LRP1B: variants seen among roughly 807,000 people sequenced by gnomAD.
LRP1B encodes low-density lipoprotein receptor-related protein 1B.
Under a neutral mutation model 556.6 loss-of-function variants are expected in LRP1B, and 217 were observed. The observed-to-expected ratio is 0.39, with a 90% CI of 0.35 to 0.44. LRP1B has a LOEUF of 0.44. Ranked by LOEUF, LRP1B falls within the 20% of genes least tolerant of loss-of-function variation. LRP1B has a pLI of 1.00. For synonymous variants in LRP1B, 2,047 were observed against 1,865.8 expected (o/e 1.10, Z -2.50); for missense variants, 5,053 against 5,620.8 (o/e 0.90, Z 3.23).
At chr2:141,156,465 A>G (rs1243187551) in intron 7 of LRP1B, among the ~76,000 whole-genome samples, 1 of 151,964 alleles carries the variant, frequency 6.6e-6, no homozygotes, top group African/African-American at 2.4e-5. Flanking sequence ...CATCTCTACA[A>G]AAAATTCAAA....
At chr2:141,323,030 G>T (rs1282687385) in intron 3 of LRP1B, among the ~76,000 whole-genome samples, 1 of 152,066 alleles carries the variant, frequency 6.6e-6, no homozygotes, top group Non-Finnish European at 1.5e-5. Flanking sequence ...GATTAAATAA[G>T]ATATTACATA....
chr2:141,761,328 C>T (rs1285233029), intron 2 of LRP1B, among the ~76,000 whole-genome samples: 1 of 147,566 alleles, frequency 6.8e-6, no homozygotes, highest in African/African-American at 2.5e-5. Context: ...TTATTTAATG[C>T]CTCAGGAATT....
intron 3 of LRP1B, among the ~76,000 whole-genome samples, chr2:141,312,601 T>C (rs1250413939): frequency 6.6e-6 from 1 of 152,166 alleles, no homozygotes; most frequent in Non-Finnish European, 1.5e-5. Flanking sequence ...TATTCTGTTA[T>C]AGCAACAAAA....
At chr2:140,754,836 T>C (rs1477915532) in intron 35 of LRP1B, among the ~76,000 whole-genome samples, 1 of 148,222 alleles carries the variant, frequency 6.7e-6, no homozygotes, top group Admixed American at 6.7e-5. Flanking sequence ...TTTTTAAAAA[T>C]ACAGAGAGGA....
At chr2:141,164,411 A>G (rs775236143) in intron 7 of LRP1B, among the ~76,000 whole-genome samples, 14 of 152,112 alleles carry the variant, frequency 9.2e-5, no homozygotes, top group East Asian at 1.9e-4. Flanking sequence ...ACTAGCAAAC[A>G]TATGCATAAC....
intron 89 of LRP1B, among the ~76,000 whole-genome samples, chr2:140,236,446 A>AT: frequency 6.6e-6 from 1 of 151,070 alleles, no homozygotes; most frequent in African/African-American, 2.4e-5. Flanking sequence ...GATACTCTTA[A>AT]TTTAGAGAAA....
chr2:141,464,606 A>ATATATATATATATATTT lies in LRP1B; in HGVS notation c.343+15789_343+15790insAAATATATATATATATA. On this transcript the variant is annotated intron_variant, in intron 3 of 90. Transcript: ENST00000389484. The stretch of plus-strand genomic sequence containing the variant: ...TTTGTATATATATATATATATATAT[A>ATATATATATATATATTT]TTTTTTTAGTAGAGATGGGGTTTCA... 4.4e-5 allele frequency among the ~76,000 whole-genome samples: 4 copies of ATATATATATATATATTT among 90,544 alleles called. No individual in the cohort carries two copies. The South Asian group carries it at 1.3e-3, about 29-fold the overall frequency. 59.4% of individuals were successfully genotyped at this position (90,544 alleles called of 152,430 possible). A position where few individuals can be genotyped will look rare whatever the true frequency, so the allele number is the denominator to read the frequency against.
intron 31 of LRP1B, among the ~76,000 whole-genome samples, chr2:140,829,712 A>G (rs563862561): frequency 1.5e-4 from 23 of 152,214 alleles, no homozygotes; most frequent in African/African-American, 5.3e-4. Context: ...GCACTCAAGG[A>G]ACTAGACAAG....
intron 41 of LRP1B, among the ~76,000 whole-genome samples, chr2:140,693,883 T>C (rs980298922): frequency 6.6e-6 from 1 of 152,124 alleles, no homozygotes; most frequent in East Asian, 1.9e-4. Context: ...AATTTTTGTA[T>C]TTTTAGTAAA....
At chr2:141,069,421 T>C (rs193001479) in intron 7 of LRP1B, among the ~76,000 whole-genome samples, 67 of 152,228 alleles carry the variant, frequency 4.4e-4, no homozygotes, top group African/African-American at 1.5e-3. Flanking sequence ...ATGTCTAATG[T>C]AGTTTGAAAC....
chr2:140,802,842 G>T (rs1310650577), intron 32 of LRP1B, among the ~76,000 whole-genome samples: 1 of 152,196 alleles, frequency 6.6e-6, no homozygotes, highest in Non-Finnish European at 1.5e-5. Flanking sequence ...CCTCAAAGGT[G>T]CAGTTTTCAA....
At chr2:140,517,977 G>A (rs947026613) in intron 49 of LRP1B, among the ~76,000 whole-genome samples, 11 of 151,932 alleles carry the variant, frequency 7.2e-5, no homozygotes, top group African/African-American at 2.4e-4. Context: ...CCAAAGTGCT[G>A]GGATTACAGG....
chr2:141,821,133 C>T (rs1696739040), intron 1 of LRP1B, among the ~76,000 whole-genome samples: 1 of 152,224 alleles, frequency 6.6e-6, no homozygotes, highest in South Asian at 2.1e-4. Context: ...GGAAATGGAT[C>T]ATCACCTAGA....
chr2:140,976,946 G>A lies in LRP1B; in HGVS notation c.2887+5214C>T, dbSNP rs1696619293. Reference sequence around the variant, plus strand: ...AAATATAAACTATAATGAGATACTTGGAAGACAGAACAAGCCAAAGATTGT... The same window carrying A: ...AAATATAAACTATAATGAGATACTTAGAAGACAGAACAAGCCAAAGATTGT... On this transcript the variant is annotated intron_variant, in intron 18 of 90. Coordinates refer to ENST00000389484, the MANE Select transcript of LRP1B (RefSeq NM_018557.3). Among the ~76,000 whole-genome samples, 3 of 152,160 alleles carry A rather than the reference G, an allele frequency of 2.0e-5. No homozygotes were observed. In the South Asian group the frequency reaches 6.2e-4, roughly 32 times the overall value.
chr2:140,958,017 A>G (rs1408339416), intron 18 of LRP1B, among the ~76,000 whole-genome samples: 1 of 151,634 alleles, frequency 6.6e-6, no homozygotes, highest in Non-Finnish European at 1.5e-5. Flanking sequence ...AATTCAAATA[A>G]AAATTAATCC....
chr2:140,239,677 A>T (rs1680866032), intron 87 of LRP1B, 145 bp from the exon 88 acceptor site: 1 of 514,514 alleles, frequency 1.9e-6, no homozygotes, highest in South Asian at 3.2e-5. Context: ...GTTCATAATT[A>T]TGTTATTGGA....
At position 140,238,132 on chromosome 2, in the gene LRP1B, A is replaced by G. The variant is rs2104881144; in HGVS notation, c.13560+20T>C. The stretch of plus-strand genomic sequence containing the variant: ...TCAAGAATGTTAGTGCTCACTGCCC[A>G]TTATCTTAAGACATACTACCTTTGT... On this transcript the variant is annotated intron_variant, in intron 89 of 90. Transcript: ENST00000389484. 4 of 1,573,942 alleles carry G rather than the reference A, an allele frequency of 2.5e-6. No homozygotes were observed. The highest frequency in any genetic ancestry group is 3.4e-6 in the Non-Finnish European group (4 of 1,159,988).
At chr2:141,423,505 C>G (rs11885730) in intron 3 of LRP1B, among the ~76,000 whole-genome samples, 1 of 151,726 alleles carries the variant, frequency 6.6e-6, no homozygotes, top group Admixed American at 6.6e-5. Context: ...TCCTACCCAC[C>G]CCACAAAATA....
intron 84 of LRP1B, among the ~76,000 whole-genome samples, chr2:140,282,490 A>G (rs1558769026): frequency 6.6e-6 from 1 of 151,850 alleles, no homozygotes; most frequent in African/African-American, 2.4e-5. Flanking sequence ...ATTCATAAAT[A>G]CGTTCAGGAA....
Sources: gnomAD v4.1 joint callset for allele counts (sites outside exome capture counted in the v4.1 genomes callset) on GRCh38, gnomAD v4.1.1 for gene constraint, MANE v1.5 for transcripts, NCBI Gene and HGNC (gene_info 2026-07-23, HGNC 2026-07-21) for gene names.